The following HOXA11 variants were observed in gnomAD, a reference collection of about 807,000 sequenced individuals.
HOXA11 encodes the protein homeobox A11, also known as homeobox protein Hox-A11.
HOXA11 carries 8 observed loss-of-function variants against 22.5 expected under a neutral mutation model. The observed-to-expected ratio is 0.36, with a 90% CI of 0.21 to 0.64. The LOEUF is 0.64. Ranked by LOEUF, HOXA11 falls within the 30% of genes least tolerant of loss-of-function variation. The pLI is 0.67. For synonymous variants in HOXA11, 211 were observed against 188.4 expected, an observed-to-expected ratio of 1.12 and a Z score of -0.98; for missense variants, 388 against 429.0, an observed-to-expected ratio of 0.90 and a Z score of 0.84.
Position 27,184,859 on chromosome 7 carries a change from C to A in HOXA11, c.286G>T (p.Ala96Ser), listed in dbSNP as rs200384070. The A allele has an allele frequency of 1.2e-6, 2 of 1,613,612 alleles. No individual in the cohort carries two copies. The highest frequency in any genetic ancestry group is 3.3e-5 in the Admixed American group (2 of 60,008). ...CCAGGCACGCCGGCCGCGCTGGGCG[C>A]CTGCAGGCAGTCTCTGTGCACGAGC... ...EELVHRDCLQ[A>S]PSAAGVPGDV... The change falls in exon 1 of 2, where the codon GCG becomes TCG. Residue 96 changes from alanine (A) to serine (S), a missense_variant. Ala to Ser is a moderately conservative substitution (Grantham distance 99, BLOSUM62 1). Transcript: ENST00000006015.
In HOXA11 at chr7:27,181,685, C is replaced by T. The variant is rs756937328; in HGVS notation, c.*1111G>A. 40 of 177,074 alleles carry T rather than the reference C, an allele frequency of 2.3e-4. No homozygotes were observed. The highest frequency in any genetic ancestry group is 3.9e-4 in the Non-Finnish European group (32 of 82,496). The allele number at this position is 177,074 out of a possible 1,614,324, so 11.0% of individuals were successfully genotyped here. ...CCTCTACATTGCATCTTTTAAAATT[C>T]GCTTTGGTTCCTTCAGGGAAATATA... On this transcript the variant is annotated 3_prime_UTR_variant, in exon 2 of 2. Coordinates refer to ENST00000006015, the MANE Select transcript of HOXA11 (RefSeq NM_005523.6).
At chr7:27,184,062 C>T (rs867680869) in intron 1 of HOXA11, among the ~76,000 whole-genome samples, 7 of 152,288 alleles carry the variant, frequency 4.6e-5, no homozygotes, top group African/African-American at 1.4e-4. Flanking sequence ...ATAAAAATCT[C>T]CGGATTACCT....
rs1783837743 is a variant in HOXA11 at position 27,184,847 on chromosome 7, C to A, written c.298G>T (p.Ala100Ser). The A allele has an allele frequency of 1.2e-6, 2 of 1,613,254 alleles. No homozygotes were observed. Among genetic ancestry groups the A allele is most frequent in the Admixed American group, 3.3e-5 (2 of 59,974 alleles). ...HRDCLQAPSAAGVPGDVLAKS... is the reference protein window; with the variant it reads ...HRDCLQAPSASGVPGDVLAKS... ...GCCAGCACGTCGCCAGGCACGCCGG[C>A]CGCGCTGGGCGCCTGCAGGCAGTCT... Residue 100 changes from alanine to serine, a missense_variant, in exon 1 of 2, where the codon GCC becomes TCC. Around this residue, in one of 4 missense-constraint regions of HOXA11, gnomAD observed 295 missense variants for 281.1 expected, o/e 1.05. Transcript: ENST00000006015.
intron 1 of HOXA11, among the ~76,000 whole-genome samples, chr7:27,183,316 C>A (rs2115461479): frequency 6.6e-6 from 1 of 152,368 alleles, no homozygotes; most frequent in East Asian, 1.9e-4. Flanking sequence ...GGCGAGTTTG[C>A]GCTGCCTAAG....
chr7:27,183,046 G>C lies in HOXA11; in HGVS notation c.710-18C>G, dbSNP rs761718543. On this transcript the variant is annotated intron_variant, in intron 1 of 1. Transcript: ENST00000006015. The stretch of plus-strand genomic sequence containing the variant: ...TTGGCCACCTGTGGAGGGAGAAAAG[G>C]CATGGGGTGAGCCAGGTGTGGGGGC... 6.4e-7 allele frequency: 1 copy of C among 1,570,802 alleles called. No homozygotes were observed. Among genetic ancestry groups the C allele is most frequent in the South Asian group, 1.1e-5 (1 of 90,120 alleles).
intron 1 of HOXA11, among the ~76,000 whole-genome samples, chr7:27,183,974 G>A (rs1450848233): frequency 2.0e-5 from 3 of 152,082 alleles, no homozygotes. Flanking sequence ...TGTTAAACGC[G>A]CTCCTAGCGC....
chr7:27,183,188 C>T (rs1256482805), intron 1 of HOXA11, among the ~76,000 whole-genome samples, 160 bp from the exon 2 acceptor site: 1 of 152,232 alleles, frequency 6.6e-6, no homozygotes, highest in Non-Finnish European at 1.5e-5. Context: ...CGACTGCATG[C>T]TTGGAACGGC....
Position 27,182,817 on chromosome 7 carries a change from G to A in HOXA11, c.921C>T (p.Tyr307=). 1.2e-6 allele frequency: 2 copies of A among 1,608,542 alleles called. No individual in the cohort carries two copies. Among genetic ancestry groups the A allele is most frequent in the Non-Finnish European group, 1.7e-6 (2 of 1,174,996 alleles). The change falls in exon 2 of 2, where the codon TAC becomes TAT. Residue 307 remains tyrosine (Y), a synonymous_variant. Coordinates refer to ENST00000006015, the MANE Select transcript of HOXA11 (RefSeq NM_005523.6). ...KKINRDRLQY[Y]SANPLL is the part of the protein sequence containing the mutation. ...AGTCTTAGAGGAGTGGATTTGCTGA[G>A]TAGTACTGTAAACGGTCTCTGTTAA...
chr7:27,183,858 A>C (rs1783808988), intron 1 of HOXA11, among the ~76,000 whole-genome samples: 1 of 152,098 alleles, frequency 6.6e-6, no homozygotes, highest in Admixed American at 6.5e-5. Flanking sequence ...GGAGGCACGT[A>C]ATTGCCACCA....
Position 27,181,177 on chromosome 7 carries a change from T to A in HOXA11, c.*1619A>T, listed in dbSNP as rs1187645277. Among the ~76,000 whole-genome samples the A allele has an allele frequency of 1.3e-5, 2 of 149,632 alleles. No homozygotes were observed. Among genetic ancestry groups the A allele is most frequent in the Non-Finnish European group, 1.5e-5 (1 of 67,072 alleles). ...GATACTCAAATTTCCACCGTCTTTA[T>A]TTTCCTTGTGCCCAGTTGCCTGTAT... is the stretch of plus-strand genomic sequence containing the variant. On this transcript the variant is annotated 3_prime_UTR_variant, in exon 2 of 2. Transcript: ENST00000006015.
Position 27,181,172 on chromosome 7 carries a change from CTTT to C in HOXA11, c.*1621_*1623del, listed in dbSNP as rs1783758525. On this transcript the variant is annotated 3_prime_UTR_variant, in exon 2 of 2. Transcript: ENST00000006015. ...ACCAGGATACTCAAATTTCCACCGT[CTTT>C]ATTTTCCTTGTGCCCAGTTGCCTGT... 1.3e-5 allele frequency among the ~76,000 whole-genome samples: 2 copies of C among 152,070 alleles called. No individual in the cohort carries two copies. The highest frequency in any genetic ancestry group is 1.5e-5 in the Non-Finnish European group (1 of 68,018).
rs1460323050 is a variant in HOXA11, at chr7:27,181,376, A to G, written c.*1420T>C. On this transcript the variant is annotated 3_prime_UTR_variant, in exon 2 of 2. Coordinates refer to ENST00000006015, the MANE Select transcript of HOXA11 (RefSeq NM_005523.6). ...AGGCCGGCCAGGCCGACTGCCTCTG[A>G]GCATTTCCCTAACTCTTTCCAAATG... is the stretch of plus-strand genomic sequence containing the variant. 4.8e-6 allele frequency: 1 copy of G among 207,636 alleles called. No homozygotes were observed. Among genetic ancestry groups the G allele is most frequent in the Non-Finnish European group, 9.8e-6 (1 of 101,596 alleles). The allele number at this position is 207,636 out of a possible 1,614,324, so 12.9% of individuals were successfully genotyped here.
At position 27,182,486 on chromosome 7, in the gene HOXA11, G is replaced by T. The variant is rs539802863; in HGVS notation, c.*310C>A. The stretch of plus-strand genomic sequence containing the variant: ...GTTAGTCTCCAGGGGGTCTGGCAGG[G>T]GCCCAATCCCCAGTGGAGACCACAC... On this transcript the variant is annotated 3_prime_UTR_variant, in exon 2 of 2. Coordinates refer to ENST00000006015, the MANE Select transcript of HOXA11 (RefSeq NM_005523.6). 86 of 475,134 alleles carry T rather than the reference G, an allele frequency of 1.8e-4. 1 individual carries two copies. The Admixed American group carries it at 2.6e-3, about 14-fold the overall frequency. 29.4% of individuals were successfully genotyped at this position (475,134 alleles called of 1,614,324 possible). A position where few individuals can be genotyped will look rare whatever the true frequency, so the allele number is the denominator to read the frequency against.
chr7:27,183,775 A>AAAAAC (rs1460972573), intron 1 of HOXA11, among the ~76,000 whole-genome samples: 1 of 139,772 alleles, frequency 7.2e-6, no homozygotes, highest in African/African-American at 2.7e-5. Context: ...AAAAAAAAAG[A>AAAAAC]CCCACAAGAC....
In HOXA11 at chr7:27,183,021, T is replaced by A; in HGVS notation, c.717A>T (p.Gln239His). ...TEDKAGGSSG[Q>H]RTRKKRCPYT... ...AGGGGCAGCGCTTTTTGCGGGTGCG[T>A]TGGCCACCTGTGGAGGGAGAAAAGG... The change falls in exon 2 of 2, where the codon CAA (glutamine) becomes CAT (histidine). Residue 239 changes from glutamine to histidine, a missense_variant. Physicochemically the swap from Gln to His is conservative, Grantham distance 24. Transcript: ENST00000006015. 1 of 1,613,112 alleles carries A rather than the reference T, an allele frequency of 6.2e-7. No individual in the cohort carries two copies. Among genetic ancestry groups the A allele is most frequent in the Non-Finnish European group, 8.5e-7 (1 of 1,179,368 alleles).
chr7:27,184,331 A>T (rs1423087450), intron 1 of HOXA11, 105 bp downstream of exon 1: 3 of 1,165,698 alleles, frequency 2.6e-6, no homozygotes, highest in Non-Finnish European at 2.4e-6. Context: ...GGCCCTTCAT[A>T]AACCTTATAT....
In HOXA11 at chr7:27,181,792, G is replaced by A. The variant is rs1783771593; in HGVS notation, c.*1004C>T. On this transcript the variant is annotated 3_prime_UTR_variant, in exon 2 of 2. Transcript: ENST00000006015. ...TTGGAAGGTCACCAGAAGCTTCCAA[G>A]CTCAGTTCAAGAGCCAATGAGGGCT... 4.9e-6 allele frequency: 1 copy of A among 203,888 alleles called. No homozygotes were observed. The highest frequency in any genetic ancestry group is 6.0e-5 in the Admixed American group (1 of 16,702). The allele number at this position is 203,888 out of a possible 1,614,324, so 12.6% of individuals were successfully genotyped here.
In HOXA11 at chr7:27,184,849, G is replaced by T; in HGVS notation, c.296C>A (p.Ala99Glu). 6.2e-7 allele frequency: 1 copy of T among 1,612,660 alleles called. No individual in the cohort carries two copies. The highest frequency in any genetic ancestry group is 1.1e-5 in the South Asian group (1 of 91,054). The change falls in exon 1 of 2, where the codon GCG becomes GAG. Residue 99 changes from alanine (A) to glutamate (E), a missense_variant. By Grantham distance (107) the Ala-to-Glu change is moderately radical. Transcript: ENST00000006015. Reference sequence around the variant, plus strand: ...CAGCACGTCGCCAGGCACGCCGGCCGCGCTGGGCGCCTGCAGGCAGTCTCT... The same window carrying T: ...CAGCACGTCGCCAGGCACGCCGGCCTCGCTGGGCGCCTGCAGGCAGTCTCT... ...VHRDCLQAPS[A>E]AGVPGDVLAK... is the part of the protein sequence containing the mutation.
rs765601556 is a variant in HOXA11, at chr7:27,182,839, T to G, written c.899A>C (p.Asn300Thr). 4.3e-6 allele frequency: 7 copies of G among 1,613,876 alleles called. No homozygotes were observed. The highest frequency in any genetic ancestry group is 5.9e-6 in the Non-Finnish European group (7 of 1,179,778). Reference sequence around the variant, plus strand: ...TGAGTAGTACTGTAAACGGTCTCTGTTAATTTTTTTTTCCTTCATTCTCCT... The same window carrying G: ...TGAGTAGTACTGTAAACGGTCTCTGGTAATTTTTTTTTCCTTCATTCTCCT... ...QNRRMKEKKI[N>T]RDRLQYYSAN... is the part of the protein sequence containing the mutation. Residue 300 changes from asparagine (N) to threonine (T), a missense_variant, in exon 2 of 2, where the codon AAC becomes ACC. Transcript: ENST00000006015.
Sources: allele counts gnomAD v4.1 joint callset (sites outside exome capture counted in the v4.1 genomes callset), GRCh38; gene constraint gnomAD v4.1.1; regional missense constraint gnomAD v4.1.1; transcripts MANE v1.5; gene names NCBI Gene and HGNC (gene_info 2026-07-23, HGNC 2026-07-21).